The following IFT80 variants were observed in gnomAD, a reference collection of about 807,000 sequenced individuals.
IFT80 encodes intraflagellar transport 80, also known as intraflagellar transport protein 80 homolog.
Under a neutral mutation model 107.9 loss-of-function variants are expected in IFT80, and 79 were observed. The observed-to-expected ratio is 0.73, with a 90% CI of 0.61 to 0.88. The LOEUF is 0.88. Among genes scored for constraint, IFT80 ranks in the 40% least tolerant of loss-of-function variants. The pLI is 0.00. For synonymous variants in IFT80, 299 were observed against 300.9 expected, an observed-to-expected ratio of 0.99 and a Z score of 0.07; for missense variants, 797 against 914.2, an observed-to-expected ratio of 0.87 and a Z score of 1.65.
intron 8 of IFT80, among the ~76,000 whole-genome samples, chr3:160,321,466 C>T (rs1396091213): frequency 6.6e-6 from 1 of 151,858 alleles, no homozygotes; most frequent in African/African-American, 2.4e-5. Context: ...TATTTTAAAA[C>T]CATACATTCA....
At chr3:160,298,465 C>T (rs1378903850) in intron 12 of IFT80, among the ~76,000 whole-genome samples, 1 of 152,058 alleles carries the variant, frequency 6.6e-6, no homozygotes, top group African/African-American at 2.4e-5. Flanking sequence ...AAAACAGATA[C>T]TTAATTGGCA....
At chr3:160,274,581 T>A (rs1714086255) in intron 18 of IFT80, 1 of 152,208 alleles carries the variant, frequency 6.6e-6, no homozygotes. Flanking sequence ...ATATAATCTG[T>A]AAGAGGAAAG....
chr3:160,320,136 A>G (rs1718102386), intron 8 of IFT80, 197 bp from the exon 9 acceptor site: 3 of 548,650 alleles, frequency 5.5e-6, no homozygotes, highest in South Asian at 2.5e-5. Context: ...GTAGAACATC[A>G]TGCTAAAACA....
chr3:160,336,613 A>G (rs1338320590), intron 8 of IFT80, among the ~76,000 whole-genome samples: 1 of 151,862 alleles, frequency 6.6e-6, no homozygotes, highest in East Asian at 1.9e-4. Context: ...GTGTGTATCC[A>G]TAGCAATATG....
chr3:160,336,665 C>T (rs144513706), intron 8 of IFT80, among the ~76,000 whole-genome samples: 157 of 152,054 alleles, frequency 1.0e-3, no homozygotes, highest in African/African-American at 3.6e-3. Context: ...ATACACTTTC[C>T]TATATAGCTA....
At chr3:160,277,204 A>C (rs2108225731) in intron 18 of IFT80, 102 bp downstream of exon 18, 1 of 1,000,790 alleles carries the variant, frequency 1.0e-6, no homozygotes, top group Non-Finnish European at 1.6e-6. Flanking sequence ...TGTGGTGTTA[A>C]GAAACTAAAA....
At chr3:160,312,654 A>T (rs1237615260) in intron 9 of IFT80, among the ~76,000 whole-genome samples, 5 of 42,446 alleles carry the variant, frequency 1.2e-4, no homozygotes, top group Admixed American at 8.9e-4. Context: ...ATTATATATA[A>T]ATATATAATA....
intron 9 of IFT80, among the ~76,000 whole-genome samples, chr3:160,309,821 C>T (rs1179435018): frequency 1.3e-5 from 2 of 151,666 alleles, no homozygotes; most frequent in Admixed American, 6.6e-5. Flanking sequence ...TATTCAGTAA[C>T]ATATTATTAG....
At chr3:160,266,768 T>TA (rs1713365113) in intron 19 of IFT80, among the ~76,000 whole-genome samples, 1 of 152,138 alleles carries the variant, frequency 6.6e-6, no homozygotes, top group South Asian at 2.1e-4. Context: ...GCAGAGTAGT[T>TA]TAATCTGCTT....
chr3:160,277,246 G>A lies in IFT80; in HGVS notation c.2099+60C>T. The A allele has an allele frequency of 2.9e-6, 4 of 1,401,260 alleles. No individual in the cohort carries two copies. In the Admixed American group the frequency reaches 5.0e-5, roughly 18 times the overall value. 86.8% of individuals were successfully genotyped at this position (1,401,260 alleles called of 1,614,324 possible). A position where few individuals can be genotyped will look rare whatever the true frequency, so the allele number is the denominator to read the frequency against. ...GGAAAATGTAATTTACTAAGTGGTA[G>A]ATGGAAAAATACATTAAGGTCAAAC... On this transcript the variant is annotated intron_variant, in intron 18 of 19. Coordinates refer to ENST00000326448, the MANE Select transcript of IFT80 (RefSeq NM_020800.3).
At chr3:160,361,858 T>C (rs527251690) in intron 6 of IFT80, among the ~76,000 whole-genome samples, 98 of 152,098 alleles carry the variant, frequency 6.4e-4, no homozygotes, top group African/African-American at 2.2e-3. Flanking sequence ...ACCAGAATCT[T>C]TGGGACACAT....
chr3:160,311,664 C>G (rs1717260553), intron 9 of IFT80, among the ~76,000 whole-genome samples: 1 of 152,118 alleles, frequency 6.6e-6, no homozygotes, highest in South Asian at 2.1e-4. Context: ...CTAGAATCAG[C>G]AGGAGTAAGG....
In IFT80 at chr3:160,280,833, T is replaced by A. The variant is rs538068198; in HGVS notation, c.1517-19A>T. The A allele has an allele frequency of 6.2e-7, 1 of 1,605,980 alleles. No individual in the cohort carries two copies. The highest frequency in any genetic ancestry group is 2.2e-5 in the East Asian group (1 of 44,712). ...ATTGTTCCTTAATTTAAAAAGAATG[T>A]TAATGTGCTATTAGCTTTAATATGT... On this transcript the variant is annotated intron_variant, in intron 14 of 19. Coordinates refer to ENST00000326448, the MANE Select transcript of IFT80 (RefSeq NM_020800.3).
intron 5 of IFT80, among the ~76,000 whole-genome samples, chr3:160,368,970 G>T (rs1311876804): frequency 6.6e-6 from 1 of 151,820 alleles, no homozygotes; most frequent in Non-Finnish European, 1.5e-5. Flanking sequence ...GTGGTAAAAG[G>T]CACGGTTGGG....
At chr3:160,311,699 T>C (rs1384031102) in intron 9 of IFT80, among the ~76,000 whole-genome samples, 1 of 152,160 alleles carries the variant, frequency 6.6e-6, no homozygotes, top group Non-Finnish European at 1.5e-5. Context: ...GATCCAGCGA[T>C]ATGCAGCGCA....
chr3:160,385,826 T>A (rs911382923), intron 1 of IFT80, among the ~76,000 whole-genome samples: 1 of 152,228 alleles, frequency 6.6e-6, no homozygotes. Context: ...AAAAGACTAA[T>A]AACATTTTAC....
rs558131933 is a variant in IFT80, at chr3:160,311,983, G to A, written c.958-4202C>T. 7.2e-5 allele frequency among the ~76,000 whole-genome samples: 11 copies of A among 152,172 alleles called. No individual in the cohort carries two copies. In the East Asian group the frequency reaches 7.7e-4, roughly 11 times the overall value. Reference sequence around the variant, plus strand: ...TTTTTAGGAGAGACAGGGTTTCACCGTGTTAGCCAGGATGGCCTCGATCTC... The same window carrying A: ...TTTTTAGGAGAGACAGGGTTTCACCATGTTAGCCAGGATGGCCTCGATCTC... On this transcript the variant is annotated intron_variant, in intron 9 of 19. Transcript: ENST00000326448.
At chr3:160,305,488 A>T (rs1393431900) in intron 10 of IFT80, among the ~76,000 whole-genome samples, 1 of 152,192 alleles carries the variant, frequency 6.6e-6, no homozygotes, top group Admixed American at 6.5e-5. Flanking sequence ...TACTTTATTA[A>T]CTAACCTTCA....
chr3:160,299,981 C>T (rs1716291276), intron 12 of IFT80, among the ~76,000 whole-genome samples: 1 of 152,072 alleles, frequency 6.6e-6, no homozygotes, highest in Non-Finnish European at 1.5e-5. Context: ...TGCCTATCTC[C>T]ATGTTGTCCT....
Sources: allele counts gnomAD v4.1 joint callset (sites outside exome capture counted in the v4.1 genomes callset), GRCh38; gene constraint gnomAD v4.1.1; transcripts MANE v1.5; gene names NCBI Gene and HGNC (gene_info 2026-07-23, HGNC 2026-07-21).